CLIP1: variants seen among roughly 807,000 people sequenced by gnomAD.
CLIP1 encodes the protein CAP-Gly domain containing linker protein 1.
A neutral mutation model predicts 161.6 loss-of-function variants in CLIP1; 66 were observed. The ratio of observed to expected loss-of-function variants is 0.41; its 90% CI spans 0.33 to 0.50. The LOEUF is 0.50. Among genes scored for constraint, CLIP1 ranks in the 20% least tolerant of loss-of-function variants. The pLI, the probability that CLIP1 is intolerant of heterozygous loss-of-function variation, is 0.27. For missense variants in CLIP1, 1,376 were observed against 1,702.0 expected (o/e 0.81, Z 3.37); for synonymous variants, 598 against 626.2 (o/e 0.96, Z 0.67).
chr12:122,376,263 GGTCTC>G (rs1480251579), intron 3 of CLIP1, among the ~76,000 whole-genome samples: 1 of 151,566 alleles, frequency 6.6e-6, no homozygotes, highest in African/African-American at 2.4e-5. Context: ...ATAGAGACAG[GGTCTC>G]ACTTTGTTGC....
rs11057945 is a variant in CLIP1 at position 122,399,401 on chromosome 12, A to G, written c.-106-18843T>C. 7 of 152,306 alleles carry G rather than the reference A, an allele frequency of 4.6e-5. No homozygotes were observed. In the East Asian group the frequency reaches 1.3e-3, roughly 29 times the overall value. The allele number at this position is 152,306 out of a possible 1,614,324, so 9.4% of individuals were successfully genotyped here. On this transcript the variant is annotated intron_variant, in intron 1 of 25. Transcript: ENST00000620786. ...CTCTAACTTTGCCAAAGTGAAAAGTACAGACCTCTGCCATCAGTGAAGAAA... is the reference window on the plus strand; with the variant it reads ...CTCTAACTTTGCCAAAGTGAAAAGTGCAGACCTCTGCCATCAGTGAAGAAA...
intron 1 of CLIP1, among the ~76,000 whole-genome samples, chr12:122,397,728 G>A (rs1018826026): frequency 1.3e-5 from 2 of 151,284 alleles, no homozygotes; most frequent in African/African-American, 2.4e-5. Context: ...GAGGCAGTCC[G>A]ATCACAAGGT....
At chr12:122,385,516 G>C (rs1273324018) in intron 1 of CLIP1, among the ~76,000 whole-genome samples, 1 of 152,204 alleles carries the variant, frequency 6.6e-6, no homozygotes, top group African/African-American at 2.4e-5. Context: ...TCAAAGGATA[G>C]GAGGTGGTGG....
At chr12:122,331,627 G>A (rs937782683) in intron 15 of CLIP1, among the ~76,000 whole-genome samples, 6 of 152,046 alleles carry the variant, frequency 3.9e-5, no homozygotes, top group Admixed American at 2.0e-4. Flanking sequence ...AACTCACTTC[G>A]TAGGATAATA....
rs376767860 is a variant in CLIP1, at chr12:122,354,418, G to A, written c.1307+35C>T. 7.1e-6 allele frequency: 11 copies of A among 1,549,936 alleles called. No individual in the cohort carries two copies. In the African/African-American group the frequency reaches 1.5e-4, roughly 21 times the overall value. ...TCAAAAACAAAAAAAAAGGGGGAAA[G>A]GCCACACTTGCACCAGGAAACAGTC... On this transcript the variant is annotated intron_variant, in intron 7 of 25. Coordinates refer to ENST00000620786, the MANE Select transcript of CLIP1 (RefSeq NM_001247997.2).
intron 1 of CLIP1, among the ~76,000 whole-genome samples, chr12:122,402,305 T>C (rs548883485): frequency 6.6e-6 from 1 of 152,240 alleles, no homozygotes; most frequent in South Asian, 2.1e-4. Context: ...CTGAGCAACA[T>C]AGTGAGACTC....
rs149025674 is a variant in CLIP1 at position 122,347,455 on chromosome 12, G to A, written c.1426C>T (p.Arg476Cys). The stretch of plus-strand genomic sequence containing the variant: ...AGGCTCTGTTCAAGCTCCTTAATGC[G>A]GGCATGCTCCAGTTTGGTCTGCGTC... Reference protein sequence around the residue: ...ENTQTKLEHARIKELEQSLLF... With the variant: ...ENTQTKLEHACIKELEQSLLF... Residue 476 changes from arginine (R) to cysteine (C), a missense_variant, in exon 10 of 26, where the codon CGC becomes TGC. Arg to Cys is a radical substitution (Grantham distance 180). This residue lies in a region of CLIP1 where 948 missense variants were observed against 1,134.8 expected (regional missense o/e 0.84). Transcript: ENST00000620786. 6.2e-6 allele frequency: 10 copies of A among 1,613,366 alleles called. No individual in the cohort carries two copies. In the African/African-American group the frequency reaches 6.7e-5, roughly 11 times the overall value.
At chr12:122,413,273 G>A (rs994113104) in intron 1 of CLIP1, among the ~76,000 whole-genome samples, 3 of 152,146 alleles carry the variant, frequency 2.0e-5, no homozygotes, top group East Asian at 3.8e-4. Flanking sequence ...AGAAGAGGGG[G>A]AGAATATGCC....
intron 4 of CLIP1, 54 bp downstream of exon 4, chr12:122,363,929 T>G: frequency 6.2e-7 from 1 of 1,611,788 alleles, no homozygotes; most frequent in Non-Finnish European, 8.5e-7. Flanking sequence ...GAGACTGGCC[T>G]GAGCATCGTC....
intron 1 of CLIP1, among the ~76,000 whole-genome samples, chr12:122,411,572 G>A (rs1956535711): frequency 1.3e-5 from 2 of 152,138 alleles, no homozygotes; most frequent in Admixed American, 1.3e-4. Flanking sequence ...ACCATAAAAA[G>A]GAATCAAGGG....
chr12:122,330,597 G>GTTTTTTTTTTTTTGTTT (rs1555265518), intron 15 of CLIP1, among the ~76,000 whole-genome samples: 2 of 101,380 alleles, frequency 2.0e-5, no homozygotes, highest in African/African-American at 8.8e-5. Flanking sequence ...GTATAATGCA[G>GTTTTTTTTTTTTTGTTT]TTTTTTTTTT....
chr12:122,279,000 A>G, intron 22 of CLIP1, 28 bp downstream of exon 22: 1 of 1,606,678 alleles, frequency 6.2e-7, no homozygotes, highest in East Asian at 2.2e-5. Context: ...GCCGCGTGAA[A>G]GCTCGTGCAC....
intron 1 of CLIP1, among the ~76,000 whole-genome samples, chr12:122,403,507 T>G (rs1486322132): frequency 1.6e-4 from 24 of 149,796 alleles, no homozygotes; most frequent in African/African-American, 5.1e-4. Context: ...TTGTTTTTTT[T>G]TTTTTTTTTT....
chr12:122,313,652 G>A (rs1315472525), intron 19 of CLIP1, among the ~76,000 whole-genome samples: 1 of 152,054 alleles, frequency 6.6e-6, no homozygotes, highest in Admixed American at 6.5e-5. Flanking sequence ...AGGAGGTGGA[G>A]GTTACAGTGA....
intron 1 of CLIP1, among the ~76,000 whole-genome samples, chr12:122,406,104 G>A (rs1956319188): frequency 6.6e-6 from 1 of 152,066 alleles, no homozygotes; most frequent in African/African-American, 2.4e-5. Flanking sequence ...ATATCTTTAA[G>A]GATAAAGTAC....
At position 122,341,317 on chromosome 12, in the gene CLIP1, A is replaced by G; in HGVS notation, c.1887T>C (p.Thr629=). The G allele has an allele frequency of 1.9e-6, 3 of 1,613,950 alleles. No individual in the cohort carries two copies. Among genetic ancestry groups the G allele is most frequent in the Non-Finnish European group, 2.5e-6 (3 of 1,179,912 alleles). The change falls in exon 11 of 26, where the codon ACT becomes ACC. Residue 629 remains threonine, a synonymous_variant. Coordinates refer to ENST00000620786, the MANE Select transcript of CLIP1 (RefSeq NM_001247997.2). The part of the protein sequence containing the change: ...VIALWKSKLE[T]AIASHQQAME... Reference sequence around the variant, plus strand: ...TCGCCTGCTGGTGGGATGCGATGGCAGTCTCCAGTTTGGACTTCCATAGAG... The same window carrying G: ...TCGCCTGCTGGTGGGATGCGATGGCGGTCTCCAGTTTGGACTTCCATAGAG...
chr12:122,316,595 C>T (rs538215496), intron 19 of CLIP1, among the ~76,000 whole-genome samples, 154 bp downstream of exon 19: 3 of 152,272 alleles, frequency 2.0e-5, no homozygotes, highest in Admixed American at 6.5e-5. Flanking sequence ...TCTGACCTCA[C>T]GGTGGTTACT....
Position 122,387,567 on chromosome 12 carries a change from TATATA to T in CLIP1, c.-106-7014_-106-7010del, listed in dbSNP as rs1566209202. On this transcript the variant is annotated intron_variant, in intron 1 of 25. Coordinates refer to ENST00000620786, the MANE Select transcript of CLIP1 (RefSeq NM_001247997.2). ...CTTTTCATATATATATATATATATA[TATATA>T]TATATATATATATATATATTTTTTT... Among the ~76,000 whole-genome samples the T allele has an allele frequency of 5.2e-4, 11 of 21,220 alleles. 4 individuals carry two copies. Among genetic ancestry groups the T allele is most frequent in the South Asian group, 3.5e-3 (2 of 564 alleles). 13.9% of individuals were successfully genotyped at this position (21,220 alleles called of 152,430 possible). A position where few individuals can be genotyped will look rare whatever the true frequency, so the allele number is the denominator to read the frequency against.
Position 122,410,535 on chromosome 12 carries a change from T to C in CLIP1, c.-107+11986A>G, listed in dbSNP as rs1956490384. On this transcript the variant is annotated intron_variant, in intron 1 of 25. Transcript: ENST00000620786. The stretch of plus-strand genomic sequence containing the variant: ...GTGCAGTGGCGCAATCTCGGCTCAC[T>C]GCAACCTCCACCTCCTGGGTTCAAG... Among the ~76,000 whole-genome samples, 3 of 150,546 alleles carry C rather than the reference T, an allele frequency of 2.0e-5. No homozygotes were observed. The South Asian group carries it at 6.3e-4, about 32-fold the overall frequency.
Sources: gnomAD v4.1 joint callset for allele counts (sites outside exome capture counted in the v4.1 genomes callset) on GRCh38, gnomAD v4.1.1 for gene constraint, gnomAD v4.1.1 regional missense constraint, MANE v1.5 for transcripts, NCBI Gene and HGNC (gene_info 2026-07-23, HGNC 2026-07-21) for gene names.